GSE1: variants seen among roughly 807,000 people sequenced by gnomAD.
GSE1 encodes Gse1 coiled-coil protein.
GSE1 carries 32 observed loss-of-function variants against 112.6 expected under a neutral mutation model. The observed-to-expected ratio is 0.28, with a 90% CI of 0.21 to 0.38. The LOEUF (loss-of-function observed/expected upper bound fraction) is 0.38, where lower values mean the gene tolerates loss of function less well. Among genes scored for constraint, GSE1 ranks in the 10% least tolerant of loss-of-function variants. The probability of loss-of-function intolerance (pLI) is 1.00; values close to 1 mark genes in which losing one functional copy is unlikely to be tolerated. For missense variants in GSE1, 2,348 were observed against 1,699.2 expected (o/e 1.38, Z -6.71); for synonymous variants, 1,115 against 735.6 (o/e 1.52, Z -8.35).
chr16:85,244,794 C>T (rs150001887), intron 1 of GSE1, among the ~76,000 whole-genome samples: 17 of 152,184 alleles, frequency 1.1e-4, no homozygotes, highest in African/African-American at 3.1e-4. Flanking sequence ...TGTTCAAGAC[C>T]AGCCTGGCCA....
intron 1 of GSE1, among the ~76,000 whole-genome samples, chr16:85,353,737 G>A (rs545013946): frequency 6.6e-6 from 1 of 152,348 alleles, no homozygotes; most frequent in South Asian, 2.1e-4. Flanking sequence ...TCAAGGTGGG[G>A]CTCAATTCCA....
chr16:85,524,716 G>C (rs1487518282), intron 2 of GSE1, among the ~76,000 whole-genome samples: 1 of 152,174 alleles, frequency 6.6e-6, no homozygotes, highest in African/African-American at 2.4e-5. Context: ...TCACGAGGGG[G>C]AGAGGGCACC....
chr16:85,348,746 T>C (rs926663024), intron 1 of GSE1, among the ~76,000 whole-genome samples: 1 of 152,166 alleles, frequency 6.6e-6, no homozygotes, highest in East Asian at 1.9e-4. Context: ...TTTCGTGGAT[T>C]GTCCAGGAGA....
At chr16:85,243,785 G>A (rs1905355235) in intron 1 of GSE1, among the ~76,000 whole-genome samples, 1 of 152,218 alleles carries the variant, frequency 6.6e-6, no homozygotes, top group Admixed American at 6.5e-5. Context: ...TTTTTGGGGA[G>A]TCCAAGCAAC....
At chr16:85,633,617 G>A (rs1016211603) in intron 1 of GSE1, among the ~76,000 whole-genome samples, 1 of 152,172 alleles carries the variant, frequency 6.6e-6, no homozygotes, top group Admixed American at 6.5e-5. Flanking sequence ...GATCCTCCAC[G>A]ACCTGCCCAG....
chr16:85,379,224 A>G (rs1196131098), intron 2 of GSE1, among the ~76,000 whole-genome samples: 1 of 152,148 alleles, frequency 6.6e-6, no homozygotes, highest in African/African-American at 2.4e-5. Flanking sequence ...ATGCAGTGCC[A>G]TCTGGCAGAG....
intron 1 of GSE1, among the ~76,000 whole-genome samples, chr16:85,600,789 A>C (rs1214083196): frequency 6.6e-6 from 1 of 152,092 alleles, no homozygotes; most frequent in Non-Finnish European, 1.5e-5. Context: ...CATGGTGCGG[A>C]TCCTGCAGGA....
At chr16:85,585,960 C>T (rs2046671891) in intron 1 of GSE1, among the ~76,000 whole-genome samples, 1 of 152,180 alleles carries the variant, frequency 6.6e-6, no homozygotes, top group African/African-American at 2.4e-5. Context: ...AGTTCCCTCA[C>T]TTGTAAATGG....
chr16:85,287,476 C>T (rs2045069544), intron 1 of GSE1, among the ~76,000 whole-genome samples: 1 of 152,184 alleles, frequency 6.6e-6, no homozygotes, highest in Admixed American at 6.5e-5. Context: ...CCTCCACGCA[C>T]CCGCTCTGTT....
In GSE1 at chr16:85,675,360, A is replaced by C. The variant is rs1056172325; in HGVS notation, c.*2821A>C. ...AAATTATCTGGTTCCTCACTGAAAC[A>C]AGTTATTTTTGCTTCATATAGTCAG... On this transcript the variant is annotated 3_prime_UTR_variant, in exon 16 of 16. Transcript: ENST00000253458. The C allele has an allele frequency of 6.6e-6, 1 of 152,210 alleles. No individual in the cohort carries two copies. Among genetic ancestry groups the C allele is most frequent in the Non-Finnish European group, 1.5e-5 (1 of 68,032 alleles). 9.4% of individuals were successfully genotyped at this position (152,210 alleles called of 1,614,324 possible).
chr16:85,631,664 C>T (rs1033086154), intron 1 of GSE1, among the ~76,000 whole-genome samples: 1 of 152,242 alleles, frequency 6.6e-6, no homozygotes, highest in African/African-American at 2.4e-5. Context: ...CCTGGGGTGC[C>T]CCACAGGCTC....
intron 1 of GSE1, among the ~76,000 whole-genome samples, chr16:85,623,461 C>T (rs894813426): frequency 2.0e-5 from 3 of 152,198 alleles, no homozygotes; most frequent in Admixed American, 6.5e-5. Context: ...CCTGGAAGTC[C>T]GCACTGAGCT....
chr16:85,233,784 T>C (rs1031779685), intron 1 of GSE1, among the ~76,000 whole-genome samples: 1 of 152,182 alleles, frequency 6.6e-6, no homozygotes, highest in East Asian at 1.9e-4. Context: ...GCTGGCACTT[T>C]GCTGGCCTCC....
At chr16:85,174,182 T>C (rs957580570) in intron 1 of GSE1, among the ~76,000 whole-genome samples, 2 of 151,826 alleles carry the variant, frequency 1.3e-5, no homozygotes, top group African/African-American at 4.8e-5. Flanking sequence ...GGGCGGGAGG[T>C]GCCTGTTGGG....
chr16:85,505,597 T>G (rs2051510644), intron 2 of GSE1, among the ~76,000 whole-genome samples: 3 of 152,152 alleles, frequency 2.0e-5, no homozygotes. Context: ...AAATAGGACA[T>G]TACAGGGTGA....
At chr16:85,222,570 C>G (rs1325148739) in intron 1 of GSE1, among the ~76,000 whole-genome samples, 1 of 152,192 alleles carries the variant, frequency 6.6e-6, no homozygotes, top group Non-Finnish European at 1.5e-5. Flanking sequence ...ATAGCCAGTT[C>G]CCACCCCCAG....
chr16:85,353,015 G>A (rs923028532), intron 1 of GSE1, among the ~76,000 whole-genome samples: 16 of 152,222 alleles, frequency 1.1e-4, no homozygotes, highest in Non-Finnish European at 2.4e-4. Flanking sequence ...CTGTTGCTGT[G>A]TAACAAAGTA....
intron 1 of GSE1, among the ~76,000 whole-genome samples, chr16:85,257,907 C>T (rs1289380075): frequency 1.3e-5 from 2 of 152,250 alleles, no homozygotes; most frequent in African/African-American, 2.4e-5. Context: ...TCTGTTTATA[C>T]ATACACGTAA....
At chr16:85,560,855 G>T (rs775189199) in intron 1 of GSE1, among the ~76,000 whole-genome samples, 6 of 152,106 alleles carry the variant, frequency 3.9e-5, no homozygotes, top group African/African-American at 1.4e-4. Context: ...AGGACTGGGC[G>T]AGGTATCTTA....
Sources: gnomAD v4.1 joint callset for allele counts (sites outside exome capture counted in the v4.1 genomes callset) on GRCh38, gnomAD v4.1.1 for gene constraint, MANE v1.5 for transcripts, NCBI Gene and HGNC (gene_info 2026-07-23, HGNC 2026-07-21) for gene names.